HHIP: variants seen among roughly 807,000 people sequenced by gnomAD.
HHIP encodes the protein hedgehog-interacting protein.
A neutral mutation model predicts 74.0 loss-of-function variants in HHIP; 12 were observed. That is an observed-to-expected ratio of 0.16 (90% CI 0.10 to 0.26). HHIP has a LOEUF of 0.26. HHIP is among the 10% of genes least tolerant of loss of function. HHIP has a pLI of 1.00. For synonymous variants in HHIP, 309 were observed against 311.6 expected (o/e 0.99, Z 0.09); for missense variants, 788 against 845.0 (o/e 0.93, Z 0.84).
chr4:144,711,998 A>C lies in HHIP; in HGVS notation c.1350A>C (p.Ile450=). The C allele has an allele frequency of 6.2e-7, 1 of 1,611,418 alleles. No individual in the cohort carries two copies. The highest frequency in any genetic ancestry group is 8.5e-7 in the Non-Finnish European group (1 of 1,177,718). ...HPTDININLT[I]LCSDSNGKNR... ...CTGATATAAACATCAATTTAACGAT[A>C]CTGTGTTCAGACTCCAATGGAAAAA... Residue 450 remains isoleucine (I), a synonymous_variant, in exon 8 of 13, where the codon ATA becomes ATC. Transcript: ENST00000296575.
At chr4:144,667,700 T>TCCACTA (rs1728915325) in intron 4 of HHIP, among the ~76,000 whole-genome samples, 2 of 152,324 alleles carry the variant, frequency 1.3e-5, no homozygotes, top group Admixed American at 6.5e-5. Flanking sequence ...CAGCAACCTT[T>TCCACTA]CAGCAGCATT....
chr4:144,646,462 C>A lies in HHIP; in HGVS notation c.-214C>A, dbSNP rs192626398. On this transcript the variant is annotated 5_prime_UTR_variant, in exon 1 of 13. Coordinates refer to ENST00000296575, the MANE Select transcript of HHIP (RefSeq NM_022475.3). ...ATCCGCACAACTTTATCTCGCTCCTCGGGCTCCCCTAAGGCATTGGACCCA... is the reference window on the plus strand; with the variant it reads ...ATCCGCACAACTTTATCTCGCTCCTAGGGCTCCCCTAAGGCATTGGACCCA... The A allele has an allele frequency of 6.2e-4, 314 of 505,088 alleles. 2 individuals are homozygous for A. Among genetic ancestry groups the A allele is most frequent in the African/African-American group, 5.1e-3 (268 of 52,362 alleles). 31.3% of individuals were successfully genotyped at this position (505,088 alleles called of 1,614,324 possible).
chr4:144,732,057 T>G (rs149620237), intron 11 of HHIP, among the ~76,000 whole-genome samples: 2 of 152,228 alleles, frequency 1.3e-5, no homozygotes, highest in African/African-American at 2.4e-5. Context: ...GGATTGAGTA[T>G]GTAGCTTCTG....
intron 1 of HHIP, among the ~76,000 whole-genome samples, chr4:144,651,832 A>G (rs1266235991): frequency 2.0e-5 from 3 of 152,062 alleles, no homozygotes; most frequent in Non-Finnish European, 2.9e-5. Flanking sequence ...AAGACATGTC[A>G]TTGTAAAAAT....
intron 4 of HHIP, among the ~76,000 whole-genome samples, chr4:144,701,130 C>A (rs1340778066): frequency 1.3e-5 from 2 of 152,102 alleles, no homozygotes; most frequent in Non-Finnish European, 2.9e-5. Flanking sequence ...ATTCAAAATA[C>A]CACCACTCTA....
chr4:144,678,929 G>A (rs1420876693), intron 4 of HHIP, among the ~76,000 whole-genome samples: 2 of 152,134 alleles, frequency 1.3e-5, no homozygotes, highest in Non-Finnish European at 1.5e-5. Context: ...GGTATTTCCG[G>A]TTCTAGATCC....
At chr4:144,677,674 C>A (rs1729207735) in intron 4 of HHIP, among the ~76,000 whole-genome samples, 1 of 152,164 alleles carries the variant, frequency 6.6e-6, no homozygotes, top group Non-Finnish European at 1.5e-5. Context: ...GCTTACAGAA[C>A]AAATAAGACC....
At chr4:144,689,551 A>G (rs1472434484) in intron 4 of HHIP, among the ~76,000 whole-genome samples, 1 of 152,180 alleles carries the variant, frequency 6.6e-6, no homozygotes, top group African/African-American at 2.4e-5. Flanking sequence ...ATTTTTAAAA[A>G]CTCAAAACAG....
intron 11 of HHIP, among the ~76,000 whole-genome samples, chr4:144,733,778 A>G (rs1433393767): frequency 1.3e-5 from 2 of 152,198 alleles, no homozygotes; most frequent in African/African-American, 4.8e-5. Context: ...GTGCCACTGG[A>G]TATTTTTTTC....
At chr4:144,702,859 C>A (rs747511114) in intron 4 of HHIP, among the ~76,000 whole-genome samples, 1 of 152,130 alleles carries the variant, frequency 6.6e-6, no homozygotes, top group African/African-American at 2.4e-5. Context: ...AATATTTAGA[C>A]AAATCACTGC....
chr4:144,649,686 G>A (rs903529388), intron 1 of HHIP, among the ~76,000 whole-genome samples: 2 of 152,164 alleles, frequency 1.3e-5, no homozygotes, highest in Non-Finnish European at 2.9e-5. Context: ...AGGCATAGAA[G>A]CTCTCTCTAC....
intron 11 of HHIP, among the ~76,000 whole-genome samples, chr4:144,729,930 G>C (rs574237516): frequency 1.7e-3 from 256 of 152,264 alleles, no homozygotes; most frequent in Non-Finnish European, 2.8e-3. Flanking sequence ...AGACAAAATA[G>C]ATTTCTGCAG....
intron 4 of HHIP, among the ~76,000 whole-genome samples, chr4:144,671,214 G>A (rs918715305): frequency 1.3e-5 from 2 of 151,982 alleles, no homozygotes; most frequent in African/African-American, 4.8e-5. Flanking sequence ...GGTTGATCAC[G>A]CTTGCTGCAC....
intron 4 of HHIP, among the ~76,000 whole-genome samples, chr4:144,673,899 A>ACTGT (rs1198569264): frequency 4.6e-5 from 7 of 152,332 alleles, no homozygotes; most frequent in African/African-American, 1.7e-4. Flanking sequence ...CTGGCAAAGA[A>ACTGT]CTGTCCCCTT....
At chr4:144,704,979 T>G (rs1356630320) in intron 4 of HHIP, among the ~76,000 whole-genome samples, 1 of 152,244 alleles carries the variant, frequency 6.6e-6, no homozygotes, top group Non-Finnish European at 1.5e-5. Context: ...CAGAGAGTCA[T>G]TCATATATCG....
At chr4:144,681,421 C>CTTT (rs139951678) in intron 4 of HHIP, among the ~76,000 whole-genome samples, 70 of 101,402 alleles carry the variant, frequency 6.9e-4, no homozygotes, top group East Asian at 1.7e-3. Context: ...TTGCAGAGTT[C>CTTT]TTTTTTTTTT....
chr4:144,683,474 T>C (rs1177991651), intron 4 of HHIP, among the ~76,000 whole-genome samples: 1 of 152,238 alleles, frequency 6.6e-6, no homozygotes, highest in African/African-American at 2.4e-5. Flanking sequence ...GGTTGGTTCT[T>C]GGAAACTAAA....
chr4:144,709,011 T>C (rs905952769), intron 7 of HHIP, among the ~76,000 whole-genome samples: 5 of 152,212 alleles, frequency 3.3e-5, no homozygotes, highest in Admixed American at 1.3e-4. Context: ...AAAAATGCTA[T>C]GAAGTATAAT....
At chr4:144,716,062 G>A (rs1560717688) in intron 10 of HHIP, among the ~76,000 whole-genome samples, 1 of 152,144 alleles carries the variant, frequency 6.6e-6, no homozygotes, top group African/African-American at 2.4e-5. Context: ...TATGATCAGT[G>A]AGTAAAAATT....
Sources: gnomAD v4.1 joint callset for allele counts (sites outside exome capture counted in the v4.1 genomes callset) on GRCh38, gnomAD v4.1.1 for gene constraint, MANE v1.5 for transcripts, NCBI Gene and HGNC (gene_info 2026-07-23, HGNC 2026-07-21) for gene names.